The following SPAG16 variants were observed in gnomAD, a reference collection of about 807,000 sequenced individuals.
The protein encoded by SPAG16 is sperm associated antigen 16, also known as sperm-associated antigen 16 protein.
Under a neutral mutation model 80.4 loss-of-function variants are expected in SPAG16, and 86 were observed. The observed-to-expected ratio is 1.07, with a 90% confidence interval of 0.90 to 1.28. SPAG16 has a LOEUF of 1.28. Ranked by LOEUF, SPAG16 falls within the 50% of genes most tolerant of loss-of-function variation. The probability of loss-of-function intolerance (pLI) is 0.00; values close to 1 mark genes in which losing one functional copy is unlikely to be tolerated. For synonymous variants in SPAG16, 294 were observed against 265.9 expected, an observed-to-expected ratio of 1.11 and a Z score of -1.03; for missense variants, 870 against 765.3, an observed-to-expected ratio of 1.14 and a Z score of -1.61.
chr2:213,821,743 A>G (rs770313524), intron 10 of SPAG16, among the ~76,000 whole-genome samples: 2 of 152,116 alleles, frequency 1.3e-5, no homozygotes, highest in Non-Finnish European at 2.9e-5. Context: ...TTTTTCTACT[A>G]TCTGTCTACA....
At chr2:213,539,290 G>A (rs11890459) in intron 10 of SPAG16, among the ~76,000 whole-genome samples, 4,073 of 152,136 alleles carry the variant, frequency 0.027, 76 homozygotes, top group Middle Eastern at 0.034. Context: ...ATGTGATACC[G>A]CCCCTCATGG....
chr2:214,137,564 A>G (rs1251322586), intron 14 of SPAG16, among the ~76,000 whole-genome samples: 1 of 152,008 alleles, frequency 6.6e-6, no homozygotes, highest in East Asian at 1.9e-4. Flanking sequence ...ATGGGGAAAT[A>G]TTTTCTATAT....
chr2:214,049,490 A>G (rs563111247), intron 13 of SPAG16, among the ~76,000 whole-genome samples: 15 of 152,122 alleles, frequency 9.9e-5, no homozygotes, highest in Admixed American at 7.9e-4. Flanking sequence ...TAATTTTTCT[A>G]GTTACATATA....
intron 12 of SPAG16, among the ~76,000 whole-genome samples, chr2:213,993,857 C>T (rs2046393918): frequency 6.6e-6 from 1 of 152,138 alleles, no homozygotes. Context: ...ACATATTTAT[C>T]ACCCCATAAA....
chr2:214,353,529 C>A (rs145396545), intron 15 of SPAG16, among the ~76,000 whole-genome samples: 1 of 152,250 alleles, frequency 6.6e-6, no homozygotes, highest in African/African-American at 2.4e-5. Context: ...TCTTTCTTTA[C>A]TTCTAGAGGG....
chr2:214,291,398 C>T (rs1018997235), intron 15 of SPAG16, among the ~76,000 whole-genome samples: 3 of 146,180 alleles, frequency 2.1e-5, no homozygotes, highest in Non-Finnish European at 4.5e-5. Flanking sequence ...CTCCGCCTCC[C>T]GGGTTCACGC....
intron 12 of SPAG16, among the ~76,000 whole-genome samples, chr2:213,943,731 C>T (rs775051546): frequency 2.6e-5 from 4 of 152,154 alleles, no homozygotes; most frequent in Non-Finnish European, 5.9e-5. Flanking sequence ...CAAAAAGGAA[C>T]CAAAACTTAG....
At position 213,365,461 on chromosome 2, in the gene SPAG16, ATT is replaced by A. The variant is rs5838380; in HGVS notation, c.832+1329_832+1330del. ...CTGAAAAGTAGAATAACTAAAATGAATTTTTTTTTTTTTTGAGACAGAGTCTT... is the reference window on the plus strand; with the variant it reads ...CTGAAAAGTAGAATAACTAAAATGAATTTTTTTTTTTTGAGACAGAGTCTT... On this transcript the variant is annotated intron_variant, in intron 8 of 15. Transcript: ENST00000331683. The A allele has an allele frequency of 4.1e-3, 605 of 147,036 alleles. 2 individuals are homozygous for A. The highest frequency in any genetic ancestry group is 6.9e-3 in the Non-Finnish European group (456 of 66,468). 9.1% of individuals were successfully genotyped at this position (147,036 alleles called of 1,614,324 possible).
In SPAG16 at chr2:213,295,985, A is replaced by G. The variant is rs1046539596; in HGVS notation, c.137-79A>G. ...TGGTGAGATAGTTGAATCCAATACT[A>G]TATTTGAAGGTCAAATCAATTTTTG... On this transcript the variant is annotated intron_variant, in intron 1 of 15. Transcript: ENST00000331683. 7 of 1,192,444 alleles carry G rather than the reference A, an allele frequency of 5.9e-6. No homozygotes were observed. In the East Asian group the frequency reaches 1.2e-4, roughly 20 times the overall value. The allele number at this position is 1,192,444 out of a possible 1,614,324, so 73.9% of individuals were successfully genotyped here. A position where few individuals can be genotyped will look rare whatever the true frequency, so the allele number is the denominator to read the frequency against.
chr2:213,306,126 TA>T (rs1360873046), intron 3 of SPAG16, among the ~76,000 whole-genome samples: 1 of 151,984 alleles, frequency 6.6e-6, no homozygotes, highest in African/African-American at 2.4e-5. Context: ...TACTGGCACG[TA>T]GTTGCTCATT....
intron 11 of SPAG16, among the ~76,000 whole-genome samples, chr2:213,928,391 C>T (rs931709250): frequency 1.3e-4 from 19 of 151,928 alleles, no homozygotes; most frequent in Non-Finnish European, 1.8e-4. Flanking sequence ...CACACCTGGC[C>T]CCTTGGATAT....
At chr2:214,056,089 T>A (rs1369471159) in intron 13 of SPAG16, among the ~76,000 whole-genome samples, 1 of 151,946 alleles carries the variant, frequency 6.6e-6, no homozygotes, top group Non-Finnish European at 1.5e-5. Context: ...GAATATAGAG[T>A]GGCAAGTAAA....
chr2:213,657,251 A>G (rs1246097129), intron 10 of SPAG16, among the ~76,000 whole-genome samples: 2 of 152,162 alleles, frequency 1.3e-5, no homozygotes, highest in Non-Finnish European at 2.9e-5. Flanking sequence ...TGGATTTTAA[A>G]CATACATAAA....
chr2:213,854,015 A>G (rs775435123), intron 10 of SPAG16, among the ~76,000 whole-genome samples: 2 of 152,172 alleles, frequency 1.3e-5, no homozygotes, highest in Non-Finnish European at 2.9e-5. Context: ...GAATGTGTAC[A>G]TACTCTCCAC....
chr2:213,536,636 A>C (rs1260129670), intron 10 of SPAG16, among the ~76,000 whole-genome samples: 3 of 152,128 alleles, frequency 2.0e-5, no homozygotes, highest in African/African-American at 4.8e-5. Context: ...TCTTTTGAGA[A>C]GTGTCTGTTT....
At chr2:213,744,738 T>C (rs2067736381) in intron 10 of SPAG16, among the ~76,000 whole-genome samples, 2 of 152,200 alleles carry the variant, frequency 1.3e-5, no homozygotes. Context: ...CTGATAACTA[T>C]GTGATTTGAA....
At chr2:213,728,771 G>A (rs12622833) in intron 10 of SPAG16, among the ~76,000 whole-genome samples, 139,934 of 151,258 alleles carry the variant, frequency 0.93, 65,751 homozygotes, top group East Asian at 1. Flanking sequence ...CAGCTGCTCG[G>A]CAGGCTGAGG....
chr2:213,728,247 C>G (rs2066863452), intron 10 of SPAG16, among the ~76,000 whole-genome samples: 1 of 152,206 alleles, frequency 6.6e-6, no homozygotes, highest in African/African-American at 2.4e-5. Context: ...GAATTCTGTT[C>G]CAAGTAGTTG....
intron 15 of SPAG16, among the ~76,000 whole-genome samples, chr2:214,405,670 A>T (rs1378726399): frequency 1.3e-5 from 2 of 152,098 alleles, no homozygotes; most frequent in African/African-American, 4.8e-5. Flanking sequence ...GGTGGCAGGC[A>T]TCTATAATCC....
Sources: gnomAD v4.1 joint callset for allele counts (sites outside exome capture counted in the v4.1 genomes callset) on GRCh38, gnomAD v4.1.1 for gene constraint, MANE v1.5 for transcripts, NCBI Gene and HGNC (gene_info 2026-07-23, HGNC 2026-07-21) for gene names.